The following NFKBIL1 variants were observed in gnomAD, a reference collection of about 807,000 sequenced individuals.
NFKBIL1 encodes the protein NF-kappa-B inhibitor-like protein 1.
NFKBIL1 carries 30 observed loss-of-function variants against 45.4 expected under a neutral mutation model. The ratio of observed to expected loss-of-function variants is 0.66; its 90% CI spans 0.49 to 0.90. NFKBIL1 has a LOEUF of 0.90. Among genes scored for constraint, NFKBIL1 ranks in the 40% least tolerant of loss-of-function variants. NFKBIL1 has a pLI of 0.00. For missense variants in NFKBIL1, 434 were observed against 513.4 expected (o/e 0.85, Z 1.49); for synonymous variants, 179 against 197.3 (o/e 0.91, Z 0.78).
Position 31,557,841 on chromosome 6 carries a change from G to A in NFKBIL1, c.548G>A (p.Arg183Lys), listed in dbSNP as rs1769836636. The change falls in exon 3 of 4, where the codon AGG (arginine) becomes AAG (lysine). Residue 183 changes from arginine (R) to lysine (K), a missense_variant. Around this residue, in one of 4 missense-constraint regions of NFKBIL1, gnomAD observed 231 missense variants for 264.1 expected, o/e 0.87. Coordinates refer to ENST00000376148, the MANE Select transcript of NFKBIL1 (RefSeq NM_005007.4). The surrounding 1 kb of genome is among the most constrained non-coding windows in gnomAD (Gnocchi z 5.4). ...LEDEWQEVMG[R>K]FEGDASHETQ... ...GACGAGTGGCAGGAAGTCATGGGGAGGTTTGAAGGTGAGAAGTCCACTGCT... is the reference window on the plus strand; with the variant it reads ...GACGAGTGGCAGGAAGTCATGGGGAAGTTTGAAGGTGAGAAGTCCACTGCT... 20 of 1,592,320 alleles carry A rather than the reference G, an allele frequency of 1.3e-5. No individual in the cohort carries two copies. The highest frequency in any genetic ancestry group is 1.7e-5 in the Non-Finnish European group (20 of 1,166,716).
intron 2 of NFKBIL1, among the ~76,000 whole-genome samples, chr6:31,551,021 ATTGTTTGTTTGC>A (rs1373791977): frequency 6.6e-6 from 1 of 151,742 alleles, no homozygotes; most frequent in Admixed American, 6.6e-5. Flanking sequence ...GATTTCCTTT[ATTGTTTGTTTGC>A]TTGTTTGTTT....
chr6:31,552,951 G>A (rs1237260471), intron 2 of NFKBIL1, among the ~76,000 whole-genome samples: 5 of 147,012 alleles, frequency 3.4e-5, no homozygotes, highest in Non-Finnish European at 7.5e-5. Context: ...TGATCCGCCC[G>A]CCTCGGCCTC....
Position 31,558,147 on chromosome 6 carries a change from C to A in NFKBIL1, c.682C>A (p.Arg228Ser), listed in dbSNP as rs764218918. 6.2e-7 allele frequency: 1 copy of A among 1,611,622 alleles called. No individual in the cohort carries two copies. Among genetic ancestry groups the A allele is most frequent in the African/African-American group, 1.3e-5 (1 of 74,914 alleles). ...REAEGSRRPP[R>S]AEGSSQSWRQ... ...AGCAGAGGGATCCCGTCGACCCCCA[C>A]GTGCTGAGGGCTCCAGCCAGAGCTG... is the stretch of plus-strand genomic sequence containing the variant. The change falls in exon 4 of 4, where the codon CGT becomes AGT. Residue 228 changes from arginine (R) to serine (S), a missense_variant. Transcript: ENST00000376148. The surrounding 1 kb of genome is among the most constrained non-coding windows in gnomAD (Gnocchi z 7.2).
intron 2 of NFKBIL1, among the ~76,000 whole-genome samples, chr6:31,548,776 A>T (rs543269786): frequency 6.6e-6 from 1 of 152,198 alleles, no homozygotes; most frequent in Admixed American, 6.5e-5. Context: ...CCCAGCTCCA[A>T]ATCCCAGCTC....
chr6:31,557,597 TAACTTCTG>T lies in NFKBIL1; in HGVS notation c.335-30_335-23del. ...TCTGCCGAGGAGTGGGAGTCCCAGCTAACTTCTGCTCCCTGCTCTCCCACCAACAGCCT... is the reference window on the plus strand; with the variant it reads ...TCTGCCGAGGAGTGGGAGTCCCAGCTCTCCCTGCTCTCCCACCAACAGCCT... On this transcript the variant is annotated intron_variant, in intron 2 of 3. Transcript: ENST00000376148. The surrounding 1 kb of genome is among the most constrained non-coding windows in gnomAD (Gnocchi z 5.4). 1 of 1,466,584 alleles carries T rather than the reference TAACTTCTG, an allele frequency of 6.8e-7. No homozygotes were observed. The highest frequency in any genetic ancestry group is 2.3e-5 in the Admixed American group (1 of 42,554). The allele number at this position is 1,466,584 out of a possible 1,614,324, so 90.8% of individuals were successfully genotyped here.
chr6:31,547,359 C>CG (rs915673191), upstream of NFKBIL1, among the ~76,000 whole-genome samples: 20 of 151,868 alleles, frequency 1.3e-4, no homozygotes, highest in Non-Finnish European at 2.5e-4. Flanking sequence ...TTAGAGGAGG[C>CG]GGGAAAAAAC....
intron 2 of NFKBIL1, among the ~76,000 whole-genome samples, chr6:31,550,346 A>C: frequency 6.6e-6 from 1 of 151,368 alleles, no homozygotes; most frequent in African/African-American, 2.4e-5. Flanking sequence ...CAGATGAACA[A>C]CCCTAACATC....
intron 2 of NFKBIL1, among the ~76,000 whole-genome samples, chr6:31,550,906 C>G (rs1415039065): frequency 6.6e-6 from 1 of 152,176 alleles, no homozygotes; most frequent in Non-Finnish European, 1.5e-5. Flanking sequence ...AGGCTGGTCT[C>G]AAACTCCCGA....
chr6:31,556,158 A>G (rs1392640381), intron 2 of NFKBIL1, among the ~76,000 whole-genome samples: 1 of 151,498 alleles, frequency 6.6e-6, no homozygotes, highest in Non-Finnish European at 1.5e-5. Flanking sequence ...GAGAGACAGG[A>G]CCAGGTACTT....
intron 1 of NFKBIL1, among the ~76,000 whole-genome samples, 191 bp from the exon 2 acceptor site, chr6:31,547,972 C>G (rs1005973967): frequency 2.6e-5 from 4 of 151,920 alleles, no homozygotes; most frequent in Non-Finnish European, 5.9e-5. Flanking sequence ...ATCCTATCAC[C>G]CCCCTCAAAA....
In NFKBIL1 at chr6:31,548,211, C is replaced by T. The variant is rs923486230; in HGVS notation, c.106C>T (p.Arg36Cys). 8 of 1,613,042 alleles carry T rather than the reference C, an allele frequency of 5.0e-6. No homozygotes were observed. The highest frequency in any genetic ancestry group is 1.3e-5 in the African/African-American group (1 of 74,952). Reference protein sequence around the residue: ...STSRRQRRERRFRRYLSAGRL... With the variant: ...STSRRQRRERCFRRYLSAGRL... ...TTCCCGCCGCCAACGCCGAGAACGT[C>T]GCTTTCGTCGTTACTTGTCTGCAGG... Residue 36 changes from arginine (R) to cysteine (C), a missense_variant, in exon 2 of 4, where the codon CGC (arginine) becomes TGC (cysteine). By Grantham distance (180) the Arg-to-Cys change is radical. This residue lies in a region of NFKBIL1 where 231 missense variants were observed against 264.1 expected (regional missense o/e 0.87). Transcript: ENST00000376148.
At position 31,558,425 on chromosome 6, in the gene NFKBIL1, G is replaced by C. The variant is rs756698471; in HGVS notation, c.960G>C (p.Arg320Ser). 1.6e-5 allele frequency: 25 copies of C among 1,550,970 alleles called. No homozygotes were observed. The highest frequency in any genetic ancestry group is 2.2e-5 in the Non-Finnish European group (25 of 1,147,176). The stretch of plus-strand genomic sequence containing the variant: ...CCATGGCTGCAGCCCTGGTGGCCAG[G>C]GGCCCCCCTTTGGAGGAACAGGGGG... Reference protein sequence around the residue: ...PEAMAAALVARGPPLEEQGAL... With the variant: ...PEAMAAALVASGPPLEEQGAL... Residue 320 changes from arginine to serine, a missense_variant, in exon 4 of 4, where the codon AGG becomes AGC. This residue lies in a region of NFKBIL1 where 52 missense variants were observed against 95.9 expected (regional missense o/e 0.54). Coordinates refer to ENST00000376148, the MANE Select transcript of NFKBIL1 (RefSeq NM_005007.4). This position sits in a 1 kb window ranked among gnomAD's most constrained non-coding sequence, Gnocchi z 7.2.
In NFKBIL1 at chr6:31,557,889, T is replaced by C; in HGVS notation, c.556+40T>C. The C allele has an allele frequency of 6.5e-7, 1 of 1,540,214 alleles. No homozygotes were observed. Among genetic ancestry groups the C allele is most frequent in the African/African-American group, 1.4e-5 (1 of 73,380 alleles). The stretch of plus-strand genomic sequence containing the variant: ...GCTATCCACAGCTGCCCTTCCCCAC[T>C]GGCTGCTTTCCATCTGCATGAATGC... On this transcript the variant is annotated intron_variant, in intron 3 of 3. Transcript: ENST00000376148. The surrounding 1 kb of genome is among the most constrained non-coding windows in gnomAD (Gnocchi z 5.4).
upstream of NFKBIL1, chr6:31,546,922 C>T (rs200232488): frequency 2.2e-5 from 6 of 271,802 alleles, no homozygotes; most frequent in Non-Finnish European, 4.2e-5. This position sits in a 1 kb window ranked among gnomAD's most constrained non-coding sequence, Gnocchi z 4.1. Flanking sequence ...AGAAGGAGAA[C>T]TTGATTGGTG....
At position 31,558,028 on chromosome 6, in the gene NFKBIL1, C is replaced by G; in HGVS notation, c.563C>G (p.Ala188Gly). 1 of 1,303,934 alleles carries G rather than the reference C, an allele frequency of 7.7e-7. No homozygotes were observed. Among genetic ancestry groups the G allele is most frequent in the Non-Finnish European group, 1.1e-6 (1 of 929,012 alleles). 80.8% of individuals were successfully genotyped at this position (1,303,934 alleles called of 1,614,324 possible). Residue 188 changes from alanine (A) to glycine (G), a missense_variant, in exon 4 of 4, where the codon GCC becomes GGC. By Grantham distance (60) the Ala-to-Gly change is moderately conservative. Transcript: ENST00000376148. The surrounding 1 kb of genome is among the most constrained non-coding windows in gnomAD (Gnocchi z 7.2). ...ATCCCACCCTCCCAAACAGGTGATG[C>G]CTCCCATGAAACCCAGGAACCTGAG... is the stretch of plus-strand genomic sequence containing the variant. The part of the protein sequence containing the change: ...QEVMGRFEGD[A>G]SHETQEPESF...
At chr6:31,552,685 CTTTTTTT>C (rs9279343) in intron 2 of NFKBIL1, among the ~76,000 whole-genome samples, 1 of 55,558 alleles carries the variant, frequency 1.8e-5, no homozygotes, top group Non-Finnish European at 3.1e-5. Context: ...GGCGGCATTT[CTTTTTTT>C]TTTTTTTTTT....
chr6:31,555,760 G>A (rs1355845994), intron 2 of NFKBIL1, among the ~76,000 whole-genome samples: 6 of 144,604 alleles, frequency 4.1e-5, no homozygotes, highest in Non-Finnish European at 6.1e-5. Flanking sequence ...GATTACAGGC[G>A]TCAGCCACCA....
At chr6:31,553,961 G>A (rs1769577984) in intron 2 of NFKBIL1, among the ~76,000 whole-genome samples, 2 of 152,144 alleles carry the variant, frequency 1.3e-5, no homozygotes, top group South Asian at 2.1e-4. Context: ...GCGCCTGGCC[G>A]AGTTTTTTAA....
chr6:31,554,540 T>C (rs1397239080), intron 2 of NFKBIL1, among the ~76,000 whole-genome samples: 2 of 151,994 alleles, frequency 1.3e-5, no homozygotes, highest in Non-Finnish European at 2.9e-5. Flanking sequence ...ATAAAGAATA[T>C]GAGCAATTCA....
Sources: gnomAD v4.1 joint callset for allele counts (sites outside exome capture counted in the v4.1 genomes callset) on GRCh38, gnomAD v4.1.1 for gene constraint, gnomAD v4.1.1 regional missense constraint, Gnocchi (gnomAD v3.1) non-coding constraint, MANE v1.5 for transcripts, NCBI Gene and HGNC (gene_info 2026-07-23, HGNC 2026-07-21) for gene names.